Variants in INTS4 observed in about 807,000 individuals in gnomAD.
The protein encoded by INTS4 is MSTP093.
Under a neutral mutation model 119.5 loss-of-function variants are expected in INTS4, and 70 were observed. That is an observed-to-expected ratio of 0.59 (90% CI 0.48 to 0.71). The LOEUF (loss-of-function observed/expected upper bound fraction) is 0.71, where lower values mean the gene tolerates loss of function less well. Ranked by LOEUF, INTS4 falls within the 30% of genes least tolerant of loss-of-function variation. The pLI, the probability that INTS4 is intolerant of heterozygous loss-of-function variation, is 0.00. For missense variants in INTS4, 867 were observed against 1,173.2 expected, an observed-to-expected ratio of 0.74 and a Z score of 3.81; for synonymous variants, 316 against 419.6, an observed-to-expected ratio of 0.75 and a Z score of 3.02.
At chr11:77,950,001 A>C (rs1954149508) in intron 8 of INTS4, among the ~76,000 whole-genome samples, 1 of 152,218 alleles carries the variant, frequency 6.6e-6, no homozygotes, top group East Asian at 1.9e-4. Context: ...GACAAAGAAA[A>C]TGTGGCGCAT....
chr11:77,922,443 G>C lies in INTS4; in HGVS notation c.1543C>G (p.Pro515Ala), dbSNP rs1306147439. Residue 515 changes from proline to alanine, a missense_variant, in exon 13 of 23, where the codon CCA (proline) becomes GCA (alanine). By Grantham distance (27) the Pro-to-Ala change is conservative (BLOSUM62 -1). This residue lies in a region of INTS4 where 51 missense variants were observed against 125.5 expected (regional missense o/e 0.41). Coordinates refer to ENST00000534064, the MANE Select transcript of INTS4 (RefSeq NM_033547.4). ...GGCACCAAGGGAAGCACCAGGGTTG[G>C]ATGCCGACTTCCCAGAAACTTCAAG... ...KCLKFLGSRH[P>A]TLVLPLVPEL... 2.0e-6 allele frequency: 3 copies of C among 1,491,978 alleles called. No individual in the cohort carries two copies. The highest frequency in any genetic ancestry group is 1.4e-5 in the African/African-American group (1 of 70,780). The allele number at this position is 1,491,978 out of a possible 1,614,324, so 92.4% of individuals were successfully genotyped here. A position where few individuals can be genotyped will look rare whatever the true frequency, so the allele number is the denominator to read the frequency against.
chr11:77,991,830 T>G (rs1330717585), intron 1 of INTS4, among the ~76,000 whole-genome samples: 3 of 152,118 alleles, frequency 2.0e-5, no homozygotes, highest in African/African-American at 7.2e-5. Context: ...CAATCTTGGC[T>G]TGCTGCAATC....
At position 77,981,440 on chromosome 11, in the gene INTS4, C is replaced by G; in HGVS notation, c.364+19G>C. The G allele has an allele frequency of 7.8e-7, 1 of 1,277,924 alleles. No homozygotes were observed. 79.2% of individuals were successfully genotyped at this position (1,277,924 alleles called of 1,614,324 possible). A position where few individuals can be genotyped will look rare whatever the true frequency, so the allele number is the denominator to read the frequency against. ...AAATATTTCTGCTCTGACTATAGAG[C>G]TTTTAAATTGCAACTTACTTTCATT... On this transcript the variant is annotated intron_variant, in intron 3 of 22. Transcript: ENST00000534064.
chr11:77,914,736 TTACA>T (rs1953167671), intron 15 of INTS4, among the ~76,000 whole-genome samples: 1 of 152,178 alleles, frequency 6.6e-6, no homozygotes, highest in East Asian at 1.9e-4. Flanking sequence ...CAATCAGATC[TTACA>T]TACAAAAGCA....
rs1483411453 is a variant in INTS4, at chr11:77,994,578, G to T, written c.54+12C>A. ...TCCGGATCGGTTCTGGATCTTTCCC[G>T]CCAGAGCTTACCTGAACCACTTTCG... On this transcript the variant is annotated intron_variant, in intron 1 of 22. Transcript: ENST00000534064. 5 of 1,601,416 alleles carry T rather than the reference G, an allele frequency of 3.1e-6. No homozygotes were observed. Among genetic ancestry groups the T allele is most frequent in the Non-Finnish European group, 4.3e-6 (5 of 1,168,278 alleles).
At chr11:77,880,379 C>T (rs1951745866) in intron 22 of INTS4, among the ~76,000 whole-genome samples, 1 of 152,192 alleles carries the variant, frequency 6.6e-6, no homozygotes, top group African/African-American at 2.4e-5. Flanking sequence ...CAGAGCAATC[C>T]AGTGCACCTC....
intron 1 of INTS4, among the ~76,000 whole-genome samples, chr11:77,993,602 G>A (rs1856784516): frequency 6.6e-6 from 1 of 151,148 alleles, no homozygotes; most frequent in Non-Finnish European, 1.5e-5. Context: ...ACTTAAAATT[G>A]TTAAAATTGT....
chr11:77,955,903 T>C (rs1954308543), intron 8 of INTS4, 39 bp downstream of exon 8: 4 of 1,546,462 alleles, frequency 2.6e-6, no homozygotes, highest in Non-Finnish European at 2.6e-6. Flanking sequence ...AAAATAAATA[T>C]ATACATGCAT....
At chr11:77,969,644 G>A (rs1342661215) in intron 4 of INTS4, among the ~76,000 whole-genome samples, 1 of 151,852 alleles carries the variant, frequency 6.6e-6, no homozygotes, top group Non-Finnish European at 1.5e-5. Context: ...AAAGCGTTAG[G>A]ACTACAGGCA....
chr11:77,968,423 C>T (rs1855582351), intron 4 of INTS4, among the ~76,000 whole-genome samples: 1 of 152,152 alleles, frequency 6.6e-6, no homozygotes, highest in Non-Finnish European at 1.5e-5. Context: ...ATTCCACTTA[C>T]CTGAAGTCCC....
intron 22 of INTS4, among the ~76,000 whole-genome samples, chr11:77,881,388 G>C (rs544689359): frequency 6.6e-6 from 1 of 152,244 alleles, no homozygotes; most frequent in African/African-American, 2.4e-5. Context: ...AGAAACTCCA[G>C]GCCCCATCAC....
At position 77,979,088 on chromosome 11, in the gene INTS4, G is replaced by C. The variant is rs1174986835; in HGVS notation, c.379C>G (p.Leu127Val). Residue 127 changes from leucine to valine, a missense_variant, in exon 4 of 23, where the codon CTA becomes GTA. By Grantham distance (32) the Leu-to-Val change is conservative. This residue lies in a region of INTS4 where 224 missense variants were observed against 231.8 expected (regional missense o/e 0.97). Transcript: ENST00000534064. Reference sequence around the variant, plus strand: ...AGCAAAGTATCCAGCAGTTGAGCTAGGACTTGATGAGACTCTAGAGAGGGA... The same window carrying C: ...AGCAAAGTATCCAGCAGTTGAGCTACGACTTGATGAGACTCTAGAGAGGGA... ...ILQNEKSHQV[L>V]AQLLDTLLAI... is the part of the protein sequence containing the mutation. The C allele has an allele frequency of 6.2e-7, 1 of 1,608,304 alleles. No homozygotes were observed. The highest frequency in any genetic ancestry group is 1.3e-5 in the African/African-American group (1 of 74,788).
intron 2 of INTS4, among the ~76,000 whole-genome samples, chr11:77,990,657 G>A (rs1856640678): frequency 7.3e-6 from 1 of 136,518 alleles, no homozygotes; most frequent in Non-Finnish European, 1.5e-5. Flanking sequence ...CTGCACTCCA[G>A]CATGGGCAAC....
chr11:77,912,943 T>C lies in INTS4; in HGVS notation c.1923-5133A>G, dbSNP rs561887795. Among the ~76,000 whole-genome samples, 12 of 152,360 alleles carry C rather than the reference T, an allele frequency of 7.9e-5. No homozygotes were observed. The South Asian group carries it at 2.5e-3, about 32-fold the overall frequency. On this transcript the variant is annotated intron_variant, in intron 15 of 22. Coordinates refer to ENST00000534064, the MANE Select transcript of INTS4 (RefSeq NM_033547.4). Reference sequence around the variant, plus strand: ...TGTAAAAGAATTCCCATCAGAAAAGTAGTATATTTCTTTCTATCTCTGATA... The same window carrying C: ...TGTAAAAGAATTCCCATCAGAAAAGCAGTATATTTCTTTCTATCTCTGATA...
chr11:77,918,899 T>G lies in INTS4; in HGVS notation c.1844A>C (p.Gln615Pro), dbSNP rs1156688419. 3 of 1,613,872 alleles carry G rather than the reference T, an allele frequency of 1.9e-6. No individual in the cohort carries two copies. The Admixed American group carries it at 5.0e-5, about 27-fold the overall frequency. The change falls in exon 15 of 23, where the codon CAG (glutamine) becomes CCG (proline). Residue 615 changes from glutamine (Q) to proline (P), a missense_variant. Gln to Pro is a moderately conservative substitution (Grantham distance 76). Transcript: ENST00000534064. ...PQEDPSQQFL[Q>P]QSLERVYSLQ... Reference sequence around the variant, plus strand: ...ACTATACACTCTTTCAAGGCTCTGCTGCAGGAACTGCTGGGAAGGATCCTC... The same window carrying G: ...ACTATACACTCTTTCAAGGCTCTGCGGCAGGAACTGCTGGGAAGGATCCTC...
intron 9 of INTS4, among the ~76,000 whole-genome samples, chr11:77,939,778 G>A (rs1953884930): frequency 6.6e-6 from 1 of 151,756 alleles, no homozygotes; most frequent in Non-Finnish European, 1.5e-5. Context: ...CCGGGAGGCA[G>A]AGGTTGCAGT....
intron 4 of INTS4, chr11:77,978,320 T>A (rs773972147): frequency 3.3e-5 from 5 of 152,218 alleles, no homozygotes; most frequent in Non-Finnish European, 5.9e-5. Context: ...AATATAATAC[T>A]CTAACACAAT....
At chr11:77,885,275 C>G (rs1348447006) in intron 21 of INTS4, among the ~76,000 whole-genome samples, 1 of 151,846 alleles carries the variant, frequency 6.6e-6, no homozygotes, top group African/African-American at 2.4e-5. Context: ...TGGGGTTTCA[C>G]CATGTTGGCC....
intron 21 of INTS4, among the ~76,000 whole-genome samples, chr11:77,886,398 T>C (rs1282909796): frequency 6.6e-6 from 1 of 152,170 alleles, no homozygotes; most frequent in Non-Finnish European, 1.5e-5. Context: ...TAGAATACAG[T>C]AACCTAGATT....
Sources: gnomAD v4.1 joint callset for allele counts (sites outside exome capture counted in the v4.1 genomes callset) on GRCh38, gnomAD v4.1.1 for gene constraint, gnomAD v4.1.1 regional missense constraint, MANE v1.5 for transcripts, NCBI Gene and HGNC (gene_info 2026-07-23, HGNC 2026-07-21) for gene names.